The following TBC1D9 variants were observed in gnomAD, a reference collection of about 807,000 sequenced individuals.
TBC1D9 encodes the protein TBC1 domain family member 9.
A neutral mutation model predicts 132.0 loss-of-function variants in TBC1D9; 63 were observed. The observed-to-expected ratio is 0.48, with a 90% CI of 0.39 to 0.59. The LOEUF (loss-of-function observed/expected upper bound fraction) is 0.59, where lower values mean the gene tolerates loss of function less well. Ranked by LOEUF, TBC1D9 falls within the 20% of genes least tolerant of loss-of-function variation. TBC1D9 has a pLI of 0.00. For synonymous variants in TBC1D9, 610 were observed against 609.9 expected, an observed-to-expected ratio of 1.00 and a Z score of 0.00; for missense variants, 1,261 against 1,592.7, an observed-to-expected ratio of 0.79 and a Z score of 3.54.
intron 18 of TBC1D9, among the ~76,000 whole-genome samples, chr4:140,626,334 C>A: frequency 6.6e-6 from 1 of 152,176 alleles, no homozygotes. Context: ...TAGGAACCTG[C>A]CTGCACTCAC....
chr4:140,624,521 A>G (rs1042143710), intron 18 of TBC1D9, 133 bp from the exon 19 acceptor site: 1 of 697,882 alleles, frequency 1.4e-6, no homozygotes, highest in Non-Finnish European at 2.3e-6. Flanking sequence ...ACAAAAAAAA[A>G]CTCCTCAAAA....
chr4:140,669,131 T>G, intron 8 of TBC1D9, 64 bp from the exon 9 acceptor site: 1 of 1,531,430 alleles, frequency 6.5e-7, no homozygotes, highest in Non-Finnish European at 9.0e-7. Context: ...AGAAGAGTGA[T>G]GGAAGGTCAG....
Position 140,676,882 on chromosome 4 carries a change from T to C in TBC1D9, c.1059+12A>G. On this transcript the variant is annotated intron_variant, in intron 6 of 20. Transcript: ENST00000442267. ...ATGAAACTTAAAATATCAATTTTTA[T>C]CAGATACTTACCTCACGGAGCGGGA... is the stretch of plus-strand genomic sequence containing the variant. 1.2e-6 allele frequency: 2 copies of C among 1,611,522 alleles called. No individual in the cohort carries two copies. The highest frequency in any genetic ancestry group is 1.7e-6 in the Non-Finnish European group (2 of 1,178,790).
chr4:140,751,511 C>A (rs961862472), intron 1 of TBC1D9, among the ~76,000 whole-genome samples: 1 of 152,044 alleles, frequency 6.6e-6, no homozygotes, highest in East Asian at 1.9e-4. Flanking sequence ...GTCTTTATAA[C>A]CACAGAGCAG....
At chr4:140,730,430 A>G (rs1288112503) in intron 1 of TBC1D9, among the ~76,000 whole-genome samples, 1 of 152,222 alleles carries the variant, frequency 6.6e-6, no homozygotes, top group Admixed American at 6.5e-5. Flanking sequence ...AGACATCAAG[A>G]AACAGGACAT....
Position 140,661,936 on chromosome 4 carries a change from A to G in TBC1D9, c.1760T>C (p.Leu587Ser), listed in dbSNP as rs1390537099. The part of the protein sequence containing the change: ...EMGIAALRRV[L>S]TAYAFRNPNI... ...GGGATTTCGAAAAGCATAAGCTGTT[A>G]AGACTCTCCTTAGTGCAGCAATGCC... The change falls in exon 10 of 21, where the codon TTA (leucine) becomes TCA (serine). Residue 587 changes from leucine (L) to serine (S), a missense_variant. Physicochemically the swap from Leu to Ser is moderately radical, Grantham distance 145. This residue lies in a region of TBC1D9 where 93 missense variants were observed against 169.2 expected (regional missense o/e 0.55). Transcript: ENST00000442267. 8 of 1,614,026 alleles carry G rather than the reference A, an allele frequency of 5.0e-6. No homozygotes were observed. The highest frequency in any genetic ancestry group is 6.8e-6 in the Non-Finnish European group (8 of 1,179,888).
At position 140,622,390 on chromosome 4, in the gene TBC1D9, G is replaced by T. The variant is rs1191991323; in HGVS notation, c.3606C>A (p.Ser1202Arg). ...SGQGTAALPRSTSLDRDWAIT... is the reference protein window; with the variant it reads ...SGQGTAALPRRTSLDRDWAIT... ...TGGCCCAGTCCCGGTCCAGGCTGGT[G>T]CTCCGGGGCAGTGCCGCCGTGCCCT... Residue 1202 changes from serine to arginine, a missense_variant, in exon 21 of 21, where the codon AGC becomes AGA. Physicochemically the swap from Ser to Arg is moderately radical, Grantham distance 110. This residue lies in a region of TBC1D9 where 618 missense variants were observed against 724.4 expected (regional missense o/e 0.85). Coordinates refer to ENST00000442267, the MANE Select transcript of TBC1D9 (RefSeq NM_015130.3). 6.2e-6 allele frequency: 10 copies of T among 1,612,794 alleles called. No homozygotes were observed. The Admixed American group carries it at 1.5e-4, about 24-fold the overall frequency.
intron 13 of TBC1D9, chr4:140,645,151 C>T (rs2110984448): frequency 1.8e-6 from 1 of 562,720 alleles, no homozygotes; most frequent in South Asian, 1.5e-5. Flanking sequence ...GCCAGGTCAG[C>T]CAGCTCATTA....
chr4:140,698,167 T>G (rs1002163299), intron 2 of TBC1D9, among the ~76,000 whole-genome samples: 2 of 147,890 alleles, frequency 1.4e-5, no homozygotes, highest in Non-Finnish European at 3.0e-5. Context: ...CAGATGGCAC[T>G]TTCACTTCTA....
At chr4:140,649,517 G>T (rs904578584) in intron 13 of TBC1D9, among the ~76,000 whole-genome samples, 1 of 152,148 alleles carries the variant, frequency 6.6e-6, no homozygotes, top group African/African-American at 2.4e-5. Context: ...GTGAGAGAGG[G>T]AAGAAATTGA....
chr4:140,696,736 C>A (rs1233286239), intron 2 of TBC1D9, among the ~76,000 whole-genome samples: 2 of 152,058 alleles, frequency 1.3e-5, no homozygotes, highest in East Asian at 3.9e-4. Flanking sequence ...CCCTTTAATT[C>A]AATTTATGCT....
chr4:140,666,698 T>C (rs1468302066), intron 9 of TBC1D9, among the ~76,000 whole-genome samples: 1 of 150,258 alleles, frequency 6.7e-6, no homozygotes, highest in South Asian at 2.1e-4. Flanking sequence ...AAAAATGTTC[T>C]ATAATTGTGA....
At chr4:140,678,833 A>C in intron 5 of TBC1D9, 109 bp downstream of exon 5, 2 of 1,327,354 alleles carry the variant, frequency 1.5e-6, no homozygotes, top group Non-Finnish European at 2.1e-6. Context: ...CTATACACAG[A>C]AGAGTGTTCA....
chr4:140,668,888 C>G (rs377664632), intron 9 of TBC1D9, 29 bp downstream of exon 9: 2 of 1,610,310 alleles, frequency 1.2e-6, no homozygotes, highest in Non-Finnish European at 8.5e-7. Context: ...CAGACTTTGA[C>G]GCCAGCATTC....
chr4:140,737,428 A>C (rs1578862472), intron 1 of TBC1D9, among the ~76,000 whole-genome samples: 1 of 135,926 alleles, frequency 7.4e-6, no homozygotes, highest in Non-Finnish European at 1.6e-5. Context: ...CTCTCCCTGC[A>C]CCCTCCCTTC....
intron 3 of TBC1D9, among the ~76,000 whole-genome samples, chr4:140,681,828 T>C (rs1737706693): frequency 6.6e-6 from 1 of 152,184 alleles, no homozygotes; most frequent in African/African-American, 2.4e-5. Context: ...AGTCAACCTT[T>C]CCAGGTCCAG....
chr4:140,628,492 C>T lies in TBC1D9; in HGVS notation c.2747-127G>A, dbSNP rs1188109406. On this transcript the variant is annotated intron_variant, in intron 16 of 20. Transcript: ENST00000442267. ...AGACATTGTGTGGTGAAAGGCCTGG[C>T]CAGGACCTGTTTGGGTTAACAGCTC... is the stretch of plus-strand genomic sequence containing the variant. The T allele has an allele frequency of 6.0e-6, 5 of 833,950 alleles. No individual in the cohort carries two copies. The Admixed American group carries it at 6.2e-5, about 10-fold the overall frequency. 51.7% of individuals were successfully genotyped at this position (833,950 alleles called of 1,614,324 possible). A position where few individuals can be genotyped will look rare whatever the true frequency, so the allele number is the denominator to read the frequency against.
chr4:140,629,364 G>A (rs1367391758), intron 16 of TBC1D9, among the ~76,000 whole-genome samples: 1 of 152,144 alleles, frequency 6.6e-6, no homozygotes, highest in Non-Finnish European at 1.5e-5. Flanking sequence ...GAAAGAAAAT[G>A]TCCATAGTCT....
chr4:140,668,808 G>C, intron 9 of TBC1D9, 109 bp downstream of exon 9: 1 of 1,107,838 alleles, frequency 9.0e-7, no homozygotes, highest in Admixed American at 2.6e-5. Flanking sequence ...CTTTCAACTG[G>C]GGGATGCATA....
Sources: allele counts gnomAD v4.1 joint callset (sites outside exome capture counted in the v4.1 genomes callset), GRCh38; gene constraint gnomAD v4.1.1; regional missense constraint gnomAD v4.1.1; transcripts MANE v1.5; gene names NCBI Gene and HGNC (gene_info 2026-07-23, HGNC 2026-07-21).